Variants in SUMF1 observed in about 807,000 individuals in gnomAD.
SUMF1 encodes formylglycine-generating enzyme.
In SUMF1, 48 loss-of-function variants were observed where a neutral mutation model predicts 47.6. That is an observed-to-expected ratio of 1.01 (90% confidence interval 0.80 to 1.28). SUMF1 has a LOEUF of 1.28. Among genes scored for constraint, SUMF1 ranks in the 50% most tolerant of loss-of-function variants. The probability of loss-of-function intolerance (pLI) is 0.00; values close to 1 mark genes in which losing one functional copy is unlikely to be tolerated. For missense variants in SUMF1, 571 were observed against 485.4 expected (o/e 1.18, Z -1.66); for synonymous variants, 230 against 192.1 (o/e 1.20, Z -1.63).
chr3:4,399,612 T>G (rs184370043), intron 7 of SUMF1, among the ~76,000 whole-genome samples: 5 of 152,256 alleles, frequency 3.3e-5, no homozygotes, highest in Non-Finnish European at 7.4e-5. Flanking sequence ...TAACTGTAAT[T>G]CACTGCCAAG....
chr3:4,147,887 TA>T (rs776315649), intron 8 of SUMF1, among the ~76,000 whole-genome samples: 136 of 152,300 alleles, frequency 8.9e-4, no homozygotes, highest in Non-Finnish European at 1.5e-3. Flanking sequence ...TTAGGCCTTC[TA>T]AATATGATGG....
chr3:4,086,959 C>G (rs1692685398), intron 8 of SUMF1, among the ~76,000 whole-genome samples: 1 of 152,100 alleles, frequency 6.6e-6, no homozygotes, highest in Admixed American at 6.6e-5. Flanking sequence ...CTCTTTTTCT[C>G]TATAAATTAC....
chr3:4,243,390 T>C (rs767566909), intron 8 of SUMF1, among the ~76,000 whole-genome samples: 8 of 152,268 alleles, frequency 5.3e-5, no homozygotes, highest in East Asian at 1.9e-4. Context: ...CTTTCTCTTG[T>C]GGGCATTTAG....
chr3:4,409,168 A>C (rs1303739885), intron 7 of SUMF1, among the ~76,000 whole-genome samples: 1 of 152,180 alleles, frequency 6.6e-6, no homozygotes, highest in African/African-American at 2.4e-5. Context: ...GCAGTAACCC[A>C]GATGAGGGAT....
intron 8 of SUMF1, among the ~76,000 whole-genome samples, chr3:4,225,116 G>A (rs989307687): frequency 2.7e-5 from 4 of 150,116 alleles, no homozygotes; most frequent in African/African-American, 9.9e-5. Flanking sequence ...GGAGAAAAAA[G>A]GAAAGGCCCT....
At chr3:4,396,594 G>A (rs79616738) in intron 7 of SUMF1, among the ~76,000 whole-genome samples, 1 of 152,178 alleles carries the variant, frequency 6.6e-6, no homozygotes, top group South Asian at 2.1e-4. Context: ...ACCATTTGAT[G>A]TGAGCTGGTG....
At chr3:4,106,532 C>G (rs1033795621) in intron 8 of SUMF1, among the ~76,000 whole-genome samples, 1 of 152,036 alleles carries the variant, frequency 6.6e-6, no homozygotes, top group African/African-American at 2.4e-5. Flanking sequence ...ATAGGAAATT[C>G]CAACTGTTTG....
intron 1 of SUMF1, among the ~76,000 whole-genome samples, chr3:4,462,412 G>C (rs79044034): frequency 4.3e-4 from 66 of 152,314 alleles, no homozygotes; most frequent in African/African-American, 1.5e-3. Context: ...TAGCCAAAGA[G>C]AAAGGCCTTG....
rs569721980 is a variant in SUMF1, at chr3:4,410,229, G to A, written c.954+636C>T. ...AATTTGTATACATTCTGCTGGGGTA[G>A]CTTGGTTTTAGAGGCAGGGTAGTAT... On this transcript the variant is annotated intron_variant, in intron 7 of 8. Coordinates refer to ENST00000272902, the MANE Select transcript of SUMF1 (RefSeq NM_182760.4). Among the ~76,000 whole-genome samples the A allele has an allele frequency of 3.9e-5, 6 of 152,304 alleles. No homozygotes were observed. In the South Asian group the frequency reaches 1.0e-3, roughly 26 times the overall value.
chr3:4,093,289 G>A (rs1559464481), intron 8 of SUMF1, among the ~76,000 whole-genome samples: 1 of 152,108 alleles, frequency 6.6e-6, no homozygotes, highest in African/African-American at 2.4e-5. Context: ...AACATTTGTA[G>A]ATAACTTGTT....
chr3:4,327,160 C>G (rs906286557), intron 8 of SUMF1, among the ~76,000 whole-genome samples: 4 of 152,112 alleles, frequency 2.6e-5, no homozygotes, highest in Non-Finnish European at 5.9e-5. Context: ...AAAATATCAG[C>G]AATGTTTCAA....
At chr3:4,395,827 T>C (rs1451034056) in intron 7 of SUMF1, among the ~76,000 whole-genome samples, 2 of 152,190 alleles carry the variant, frequency 1.3e-5, no homozygotes, top group Admixed American at 6.5e-5. Flanking sequence ...CCTGGAGTAA[T>C]ACATGAAATC....
At chr3:4,155,707 A>T (rs770104529) in intron 8 of SUMF1, among the ~76,000 whole-genome samples, 15 of 151,490 alleles carry the variant, frequency 9.9e-5, no homozygotes, top group Non-Finnish European at 1.5e-5. Flanking sequence ...TTTCATGCTT[A>T]AGCAGCCAGA....
At chr3:4,079,029 C>T (rs930561243) in intron 8 of SUMF1, among the ~76,000 whole-genome samples, 2 of 152,038 alleles carry the variant, frequency 1.3e-5, no homozygotes, top group African/African-American at 4.8e-5. Flanking sequence ...GTTTTTTCCT[C>T]CTCCTATGTG....
At chr3:4,062,671 C>T (rs1178147668) in intron 9 of SUMF1, among the ~76,000 whole-genome samples, 1 of 152,082 alleles carries the variant, frequency 6.6e-6, no homozygotes, top group Non-Finnish European at 1.5e-5. Flanking sequence ...AAAGTGGGTA[C>T]TTTAGGGTAA....
intron 3 of SUMF1, among the ~76,000 whole-genome samples, chr3:4,433,992 C>T (rs1464738472): frequency 6.6e-6 from 1 of 152,170 alleles, no homozygotes; most frequent in Admixed American, 6.5e-5. Flanking sequence ...CATACTACAA[C>T]ATGGATGAAC....
At chr3:4,111,749 A>G (rs1199332606) in intron 8 of SUMF1, among the ~76,000 whole-genome samples, 1 of 152,076 alleles carries the variant, frequency 6.6e-6, no homozygotes, top group Non-Finnish European at 1.5e-5. Context: ...AAAAAACCCA[A>G]AAAAACCTTT....
chr3:4,421,656 AT>A (rs1271104074), intron 3 of SUMF1, among the ~76,000 whole-genome samples: 4 of 151,970 alleles, frequency 2.6e-5, no homozygotes, highest in East Asian at 1.9e-4. Context: ...AATTTTTTGT[AT>A]TTTTTTGTAG....
chr3:4,312,450 A>C lies in SUMF1; in HGVS notation c.1014+63880T>G. Among the ~76,000 whole-genome samples, 7 of 152,210 alleles carry C rather than the reference A, an allele frequency of 4.6e-5. 1 individual carries two copies. The highest frequency in any genetic ancestry group is 6.8e-3 in the Middle Eastern group (2 of 294). On this transcript the variant is annotated intron_variant and NMD_transcript_variant, in intron 8 of 12. Coordinates refer to the SUMF1 transcript ENST00000448413. Reference sequence around the variant, plus strand: ...TATACATACATAATAATACATATATATGTCCTTATGTGTACCTATATATAA... The same window carrying C: ...TATACATACATAATAATACATATATCTGTCCTTATGTGTACCTATATATAA...
Sources: allele counts gnomAD v4.1 joint callset (sites outside exome capture counted in the v4.1 genomes callset), GRCh38; gene constraint gnomAD v4.1.1; transcripts MANE v1.5; gene names NCBI Gene and HGNC (gene_info 2026-07-23, HGNC 2026-07-21).